CNTN4: variants seen among roughly 807,000 people sequenced by gnomAD.
CNTN4 encodes contactin 4, also known as contactin-4.
Under a neutral mutation model 122.5 loss-of-function variants are expected in CNTN4, and 77 were observed. The ratio of observed to expected loss-of-function variants is 0.63; its 90% CI spans 0.52 to 0.76. CNTN4 has a LOEUF of 0.76. Ranked by LOEUF, CNTN4 falls within the 30% of genes least tolerant of loss-of-function variation. CNTN4 has a pLI of 0.00. For missense variants in CNTN4, 1,256 were observed against 1,259.1 expected, an observed-to-expected ratio of 1.00 and a Z score of 0.04; for synonymous variants, 512 against 447.0, an observed-to-expected ratio of 1.15 and a Z score of -1.83.
Position 2,795,738 on chromosome 3 carries a change from T to G in CNTN4, c.359-23748T>G, listed in dbSNP as rs1287340751. ...GGTTTCACCGTGTTAGCTAGAATGG[T>G]CTCGATCTCCTGACCTGGTGATCCA... On this transcript the variant is annotated intron_variant, in intron 6 of 24. Transcript: ENST00000418658. Among the ~76,000 whole-genome samples, 12 of 152,104 alleles carry G rather than the reference T, an allele frequency of 7.9e-5. No individual in the cohort carries two copies. The East Asian group carries it at 1.9e-3, about 25-fold the overall frequency.
chr3:3,006,595 C>T (rs912654257), intron 14 of CNTN4, among the ~76,000 whole-genome samples: 2 of 152,140 alleles, frequency 1.3e-5, no homozygotes, highest in African/African-American at 2.4e-5. Flanking sequence ...CTTATTGTCT[C>T]ACAGAGGAAC....
intron 7 of CNTN4, among the ~76,000 whole-genome samples, chr3:2,847,502 C>T (rs1294729432): frequency 6.6e-6 from 1 of 152,180 alleles, no homozygotes; most frequent in Non-Finnish European, 1.5e-5. Flanking sequence ...CTGAAGATGG[C>T]ACATCAGGAG....
At chr3:2,790,634 A>G (rs7615939) in intron 6 of CNTN4, among the ~76,000 whole-genome samples, 74,688 of 151,768 alleles carry the variant, frequency 0.49, 18,443 homozygotes, top group East Asian at 0.62. Flanking sequence ...AAATCACTTT[A>G]TTTTCTGTGA....
chr3:2,164,401 C>T (rs556960572), intron 2 of CNTN4, among the ~76,000 whole-genome samples: 2 of 152,028 alleles, frequency 1.3e-5, no homozygotes, highest in East Asian at 3.9e-4. Flanking sequence ...TCTTGGGGCT[C>T]ATCTCATAAC....
chr3:2,238,797 G>C (rs1462750005), intron 2 of CNTN4: 1 of 109,046 alleles, frequency 9.2e-6, no homozygotes, highest in Admixed American at 1.1e-4. Flanking sequence ...GCGCCATCTC[G>C]GCTCACTGCA....
At chr3:2,679,656 C>G (rs918044927) in intron 4 of CNTN4, among the ~76,000 whole-genome samples, 2 of 152,108 alleles carry the variant, frequency 1.3e-5, no homozygotes, top group Admixed American at 1.3e-4. Flanking sequence ...GGATGAGAAG[C>G]GAGATCCAGT....
intron 4 of CNTN4, among the ~76,000 whole-genome samples, chr3:2,611,050 A>G (rs1255353818): frequency 6.6e-6 from 1 of 152,098 alleles, no homozygotes; most frequent in African/African-American, 2.4e-5. Flanking sequence ...TATATGTATT[A>G]TCTCATTTGA....
chr3:2,789,745 G>A (rs1460591478), intron 6 of CNTN4, among the ~76,000 whole-genome samples: 1 of 152,090 alleles, frequency 6.6e-6, no homozygotes, highest in Non-Finnish European at 1.5e-5. Flanking sequence ...ATTTATTTTG[G>A]TAGAAAATAG....
chr3:2,441,942 A>T (rs990681946), intron 3 of CNTN4, among the ~76,000 whole-genome samples: 20 of 152,258 alleles, frequency 1.3e-4, no homozygotes, highest in Admixed American at 1.1e-3. Flanking sequence ...ATTAACCTTC[A>T]TTTGAAATTG....
At chr3:2,998,395 C>G (rs944580560) in intron 14 of CNTN4, among the ~76,000 whole-genome samples, 2 of 152,082 alleles carry the variant, frequency 1.3e-5, no homozygotes, top group Non-Finnish European at 2.9e-5. Context: ...TGGACCCTAC[C>G]TCTGACCTGC....
At chr3:2,274,146 G>C (rs554753239) in intron 2 of CNTN4, among the ~76,000 whole-genome samples, 63 of 152,216 alleles carry the variant, frequency 4.1e-4, no homozygotes, top group African/African-American at 1.4e-3. Flanking sequence ...ACTTTGCGAG[G>C]CCGAGGCAGA....
chr3:2,439,592 G>A (rs954218429), intron 3 of CNTN4, among the ~76,000 whole-genome samples: 1 of 152,130 alleles, frequency 6.6e-6, no homozygotes. Context: ...GTCATCTGAA[G>A]TATCTGTGTT....
intron 6 of CNTN4, among the ~76,000 whole-genome samples, chr3:2,776,313 CT>C (rs11303875): frequency 0.17 from 20,264 of 117,910 alleles, 1,348 homozygotes; most frequent in African/African-American, 0.22. Context: ...ATAAGTGTTT[CT>C]TTTTTTTTTC....
intron 3 of CNTN4, among the ~76,000 whole-genome samples, chr3:2,450,338 G>C (rs12634428): frequency 2.0e-5 from 3 of 151,866 alleles, no homozygotes; most frequent in Admixed American, 2.0e-4. Flanking sequence ...CTGCACTCCA[G>C]CCTGGGTGAA....
intron 3 of CNTN4, among the ~76,000 whole-genome samples, chr3:2,490,900 T>C (rs978978327): frequency 6.6e-6 from 1 of 152,152 alleles, no homozygotes; most frequent in Non-Finnish European, 1.5e-5. Flanking sequence ...AAGTACTATG[T>C]TTAGCGACCA....
intron 3 of CNTN4, among the ~76,000 whole-genome samples, chr3:2,367,369 A>G (rs62244051): frequency 0.021 from 3,190 of 152,238 alleles, 46 homozygotes; most frequent in Non-Finnish European, 0.027. Flanking sequence ...CCACTCCCCA[A>G]TCAGATTTTT....
chr3:3,006,019 G>A (rs2125446983), intron 14 of CNTN4, among the ~76,000 whole-genome samples: 1 of 151,618 alleles, frequency 6.6e-6, no homozygotes, highest in African/African-American at 2.4e-5. Context: ...CCAAGTAGCT[G>A]GGACTACAGG....
intron 3 of CNTN4, among the ~76,000 whole-genome samples, chr3:2,389,658 C>G (rs1300388474): frequency 1.3e-5 from 2 of 152,118 alleles, no homozygotes; most frequent in African/African-American, 4.8e-5. Flanking sequence ...TGGATCTTAT[C>G]TATCTCCTTC....
At chr3:2,844,007 C>T (rs925170371) in intron 7 of CNTN4, among the ~76,000 whole-genome samples, 5 of 152,268 alleles carry the variant, frequency 3.3e-5, no homozygotes, top group African/African-American at 9.6e-5. Context: ...GCCATCTGTC[C>T]GTCATTATGT....
Sources: gnomAD v4.1 joint callset for allele counts (sites outside exome capture counted in the v4.1 genomes callset) on GRCh38, gnomAD v4.1.1 for gene constraint, MANE v1.5 for transcripts, NCBI Gene and HGNC (gene_info 2026-07-23, HGNC 2026-07-21) for gene names.